LIFR: variants seen among roughly 807,000 people sequenced by gnomAD.
LIFR encodes the protein LIF receptor subunit alpha, also known as leukemia inhibitory factor receptor.
A neutral mutation model predicts 122.2 loss-of-function variants in LIFR; 84 were observed. The observed-to-expected ratio is 0.69, with a 90% confidence interval of 0.58 to 0.82. The LOEUF (loss-of-function observed/expected upper bound fraction) is 0.82, where lower values mean the gene tolerates loss of function less well. Among genes scored for constraint, LIFR ranks in the 40% least tolerant of loss-of-function variants. The pLI, the probability that LIFR is intolerant of heterozygous loss-of-function variation, is 0.00. For missense variants in LIFR, 1,294 were observed against 1,311.6 expected, an observed-to-expected ratio of 0.99 and a Z score of 0.21; for synonymous variants, 422 against 434.7, an observed-to-expected ratio of 0.97 and a Z score of 0.36.
intron 1 of LIFR, among the ~76,000 whole-genome samples, chr5:38,536,608 A>C (rs1438101994): frequency 6.6e-6 from 1 of 152,206 alleles, no homozygotes; most frequent in East Asian, 1.9e-4. Flanking sequence ...ATTTCTTCAA[A>C]CTGCTACTAA....
chr5:38,539,671 T>C (rs1747482036), intron 1 of LIFR, among the ~76,000 whole-genome samples: 1 of 151,740 alleles, frequency 6.6e-6, no homozygotes, highest in East Asian at 1.9e-4. Context: ...GTTTTTTTGG[T>C]TTTTTGGGGG....
Position 38,504,125 on chromosome 5 carries a change from C to CAA in LIFR, c.1292-6_1292-5dup. ...GAAGTAGGAGTATGGGGATAAACTG[C>CAA]AAATATAATTTTTAAAGATTAAACA... On this transcript the variant is annotated splice_region_variant and splice_polypyrimidine_tract_variant and intron_variant, in intron 9 of 19. Coordinates refer to ENST00000453190, the MANE Select transcript of LIFR (RefSeq NM_001127671.2). 1 of 1,516,834 alleles carries CAA rather than the reference C, an allele frequency of 6.6e-7. No homozygotes were observed. The highest frequency in any genetic ancestry group is 1.1e-5 in the South Asian group (1 of 88,166). 94.0% of individuals were successfully genotyped at this position (1,516,834 alleles called of 1,614,324 possible). A position where few individuals can be genotyped will look rare whatever the true frequency, so the allele number is the denominator to read the frequency against.
intron 18 of LIFR, among the ~76,000 whole-genome samples, chr5:38,484,266 T>G (rs1354025635): frequency 6.6e-6 from 1 of 152,202 alleles, no homozygotes; most frequent in African/African-American, 2.4e-5. Flanking sequence ...ACACACTTGC[T>G]GGATGCCTAT....
chr5:38,582,242 G>A (rs1749612089), intron 1 of LIFR, among the ~76,000 whole-genome samples: 2 of 151,952 alleles, frequency 1.3e-5, no homozygotes, highest in Admixed American at 1.3e-4. Flanking sequence ...TCTGTCTCCA[G>A]TTCCAAGCAT....
intron 1 of LIFR, among the ~76,000 whole-genome samples, chr5:38,535,031 T>C (rs944055157): frequency 1.4e-4 from 21 of 152,212 alleles, no homozygotes; most frequent in African/African-American, 5.1e-4. Flanking sequence ...TCACCTTCCG[T>C]GTACCCATTC....
chr5:38,569,506 C>A (rs1561216698), intron 1 of LIFR, among the ~76,000 whole-genome samples: 1 of 152,160 alleles, frequency 6.6e-6, no homozygotes, highest in Non-Finnish European at 1.5e-5. Context: ...CTATTATGAA[C>A]TGCACATGTA....
chr5:38,537,713 T>C (rs1402799862), intron 1 of LIFR, among the ~76,000 whole-genome samples: 1 of 152,202 alleles, frequency 6.6e-6, no homozygotes, highest in East Asian at 1.9e-4. Flanking sequence ...TTTCTTTTTA[T>C]TGCGTAATTA....
intron 1 of LIFR, among the ~76,000 whole-genome samples, chr5:38,591,104 A>T (rs886916274): frequency 3.3e-5 from 5 of 152,232 alleles, no homozygotes; most frequent in Admixed American, 6.5e-5. Context: ...CCCTAGTTTC[A>T]TTTAATCTTC....
In LIFR at chr5:38,504,982, T is replaced by C. The variant is rs149069868; in HGVS notation, c.1292-861A>G. 2.6e-3 allele frequency among the ~76,000 whole-genome samples: 400 copies of C among 152,302 alleles called. 4 individuals carry two copies. The highest frequency in any genetic ancestry group is 9.2e-3 in the African/African-American group (382 of 41,568). The stretch of plus-strand genomic sequence containing the variant: ...AGAGAAGGTCTAGGCCGTTGCTCAG[T>C]GTGCTGTGAGCCTGACATGGAGTGT... On this transcript the variant is annotated intron_variant, in intron 9 of 19. Coordinates refer to ENST00000453190, the MANE Select transcript of LIFR (RefSeq NM_001127671.2).
chr5:38,480,769 A>T lies in LIFR; in HGVS notation c.*826T>A, dbSNP rs1431492376. ...TATAAAGCTGTCACTGTATCACAAA[A>T]TAAAATGATTTTTAAAAAATGTGGG... On this transcript the variant is annotated 3_prime_UTR_variant, in exon 20 of 20. Coordinates refer to ENST00000453190, the MANE Select transcript of LIFR (RefSeq NM_001127671.2). The T allele has an allele frequency of 4.7e-6, 1 of 212,794 alleles. No homozygotes were observed. Among genetic ancestry groups the T allele is most frequent in the African/African-American group, 2.3e-5 (1 of 44,162 alleles). 13.2% of individuals were successfully genotyped at this position (212,794 alleles called of 1,614,324 possible).
In LIFR at chr5:38,482,617, G is replaced by A. The variant is rs994405607; in HGVS notation, c.2642C>T (p.Ala881Val). 50 of 1,504,022 alleles carry A rather than the reference G, an allele frequency of 3.3e-5. No individual in the cohort carries two copies. Among genetic ancestry groups the A allele is most frequent in the Non-Finnish European group, 3.8e-5 (42 of 1,105,852 alleles). 93.2% of individuals were successfully genotyped at this position (1,504,022 alleles called of 1,614,324 possible). A position where few individuals can be genotyped will look rare whatever the true frequency, so the allele number is the denominator to read the frequency against. The change falls in exon 19 of 20, where the codon GCA becomes GTA. Residue 881 changes from alanine (A) to valine (V), a missense_variant. Ala to Val is a moderately conservative substitution (Grantham distance 64). Coordinates refer to ENST00000453190, the MANE Select transcript of LIFR (RefSeq NM_001127671.2). The part of the protein sequence containing the change: ...PDIPNPENCK[A>V]LQFQKSVCEG... Reference sequence around the variant, plus strand: ...ACAGACACTCTTTTGAAACTGTAATGCTTTACAGTTTTCTGGATTTGGAAT... The same window carrying A: ...ACAGACACTCTTTTGAAACTGTAATACTTTACAGTTTTCTGGATTTGGAAT...
Position 38,482,134 on chromosome 5 carries a change from T to C in LIFR, c.2755A>G (p.Lys919Glu), listed in dbSNP as rs1744027229. 6.3e-7 allele frequency: 1 copy of C among 1,584,536 alleles called. No homozygotes were observed. The highest frequency in any genetic ancestry group is 8.5e-7 in the Non-Finnish European group (1 of 1,170,184). ...GAAATTATTTCTGTATCTTCTATTT[T>C]AGGAAATGCTGATCGAGTTTCCAGA... ...EVLETRSAFP[K>E]IEDTEIISPV... is the part of the protein sequence containing the mutation. Residue 919 changes from lysine to glutamate, a missense_variant, in exon 20 of 20, where the codon AAA becomes GAA. Transcript: ENST00000453190.
At chr5:38,499,467 G>T in intron 12 of LIFR, 46 bp downstream of exon 12, 1 of 1,303,362 alleles carries the variant, frequency 7.7e-7, no homozygotes, top group Non-Finnish European at 1.1e-6. Context: ...AAGTTAAGCA[G>T]TTTAGCAAAG....
chr5:38,497,064 G>A (rs562493261), intron 12 of LIFR, among the ~76,000 whole-genome samples: 14 of 152,292 alleles, frequency 9.2e-5, no homozygotes, highest in Non-Finnish European at 1.6e-4. Flanking sequence ...TTGGGAGGCC[G>A]AGGCAGGCGG....
At chr5:38,573,683 C>T (rs1042157578) in intron 1 of LIFR, among the ~76,000 whole-genome samples, 1 of 152,156 alleles carries the variant, frequency 6.6e-6, no homozygotes, top group East Asian at 1.9e-4. Context: ...AGTCCCTCAT[C>T]GCATAAATAT....
intron 14 of LIFR, among the ~76,000 whole-genome samples, chr5:38,492,643 C>T (rs1561139337): frequency 6.6e-6 from 1 of 152,142 alleles, no homozygotes; most frequent in Non-Finnish European, 1.5e-5. Flanking sequence ...TGAACTCATA[C>T]ATGATAATCC....
chr5:38,534,685 C>T (rs930076106), intron 1 of LIFR, among the ~76,000 whole-genome samples: 1 of 152,168 alleles, frequency 6.6e-6, no homozygotes, highest in Non-Finnish European at 1.5e-5. Context: ...GGAGGCCATA[C>T]ACAAGGGCTC....
At chr5:38,514,535 C>A (rs538624354) in intron 5 of LIFR, among the ~76,000 whole-genome samples, 2 of 152,316 alleles carry the variant, frequency 1.3e-5, no homozygotes, top group Non-Finnish European at 2.9e-5. Context: ...AGTTCCTCTA[C>A]AACTTCTCAG....
At chr5:38,607,261 C>T (rs1260814311) in intron 1 of LIFR, among the ~76,000 whole-genome samples, 1 of 152,144 alleles carries the variant, frequency 6.6e-6, no homozygotes, top group African/African-American at 2.4e-5. Flanking sequence ...AGGGTCACAG[C>T]CTGTATGTAT....
Sources: gnomAD v4.1 joint callset for allele counts (sites outside exome capture counted in the v4.1 genomes callset) on GRCh38, gnomAD v4.1.1 for gene constraint, MANE v1.5 for transcripts, NCBI Gene and HGNC (gene_info 2026-07-23, HGNC 2026-07-21) for gene names.